Variants in ARHGEF18 observed in about 807,000 individuals in gnomAD.
ARHGEF18 encodes the protein rho guanine nucleotide exchange factor 18.
ARHGEF18 carries 93 observed loss-of-function variants against 155.7 expected under a neutral mutation model. That is an observed-to-expected ratio of 0.60 (90% CI 0.50 to 0.71). ARHGEF18 has a LOEUF of 0.71. Ranked by LOEUF, ARHGEF18 falls within the 30% of genes least tolerant of loss-of-function variation. The pLI is 0.00. For synonymous variants in ARHGEF18, 742 were observed against 753.1 expected, an observed-to-expected ratio of 0.99 and a Z score of 0.24; for missense variants, 1,593 against 1,816.1, an observed-to-expected ratio of 0.88 and a Z score of 2.23.
At chr19:7,391,862 G>GA (rs1971420389) in intron 10 of ARHGEF18, among the ~76,000 whole-genome samples, 1 of 151,384 alleles carries the variant, frequency 6.6e-6, no homozygotes, top group Admixed American at 6.6e-5. Context: ...CCTAATTGTC[G>GA]AAAGTGCCAA....
At chr19:7,469,252 G>C (rs1214218703) in intron 27 of ARHGEF18, 121 bp downstream of exon 27, 2 of 1,247,578 alleles carry the variant, frequency 1.6e-6, no homozygotes, top group African/African-American at 1.5e-5. Context: ...AAAACCAGAA[G>C]GCACAGCTGG....
rs374597663 is a variant in ARHGEF18 at position 7,468,981 on chromosome 19, G to A, written c.3637G>A (p.Asp1213Asn). 1.2e-5 allele frequency: 19 copies of A among 1,592,204 alleles called. No homozygotes were observed. The highest frequency in any genetic ancestry group is 2.7e-5 in the African/African-American group (2 of 74,338). ...CACCGAGAACCGGCTGGCCAAGAGC[G>A]ATGTGCCCATCCAGCTGCTCAGCGC... ...APTENRLAKS[D>N]VPIQLLSATN... Residue 1213 changes from aspartate to asparagine, a missense_variant, in exon 27 of 29, where the codon GAT (aspartate) becomes AAT (asparagine). Coordinates refer to ENST00000668164, the MANE Select transcript of ARHGEF18 (RefSeq NM_001367823.1).
Position 7,441,945 on chromosome 19 carries a change from A to G in ARHGEF18, c.1253A>G (p.Glu418Gly). 1 of 1,614,084 alleles carries G rather than the reference A, an allele frequency of 6.2e-7. No individual in the cohort carries two copies. The highest frequency in any genetic ancestry group is 8.5e-7 in the Non-Finnish European group (1 of 1,180,008). ...ACCGCCTCGCTGAGGAGTGAGATTG[A>G]GTCAGACGGCCACGAGTTTGAAGCT... is the stretch of plus-strand genomic sequence containing the variant. Reference protein sequence around the residue: ...PYTASLRSEIESDGHEFEAES... With the variant: ...PYTASLRSEIGSDGHEFEAES... The change falls in exon 13 of 29, where the codon GAG becomes GGG. Residue 418 changes from glutamate (E) to glycine (G), a missense_variant. By Grantham distance (98) the Glu-to-Gly change is moderately conservative. Coordinates refer to ENST00000668164, the MANE Select transcript of ARHGEF18 (RefSeq NM_001367823.1).
chr19:7,379,155 A>G lies in ARHGEF18; in HGVS notation c.633A>G (p.Arg211=). ...LIVQQVLQEL[R]QYHGARQRAC... ...TCCAGCAGGTGCTTCAAGAACTTCGACAGTACCATGGGTAAGTGGGAATCG... is the reference window on the plus strand; with the variant it reads ...TCCAGCAGGTGCTTCAAGAACTTCGGCAGTACCATGGGTAAGTGGGAATCG... The change falls in exon 7 of 29, where the codon CGA becomes CGG. Residue 211 remains arginine, a synonymous_variant. Coordinates refer to ENST00000668164, the MANE Select transcript of ARHGEF18 (RefSeq NM_001367823.1). 3.2e-6 allele frequency: 4 copies of G among 1,232,750 alleles called. No individual in the cohort carries two copies. Among genetic ancestry groups the G allele is most frequent in the Non-Finnish European group, 4.0e-6 (4 of 988,490 alleles). 76.4% of individuals were successfully genotyped at this position (1,232,750 alleles called of 1,614,324 possible). A position where few individuals can be genotyped will look rare whatever the true frequency, so the allele number is the denominator to read the frequency against.
chr19:7,446,009 G>T (rs1974966389), intron 14 of ARHGEF18, among the ~76,000 whole-genome samples: 1 of 152,140 alleles, frequency 6.6e-6, no homozygotes, highest in Non-Finnish European at 1.5e-5. Context: ...ATGCAGCAAA[G>T]CCCCGAAGCA....
chr19:7,433,089 A>C (rs558317991), intron 10 of ARHGEF18, among the ~76,000 whole-genome samples: 26 of 152,036 alleles, frequency 1.7e-4, no homozygotes, highest in African/African-American at 5.8e-4. Context: ...TGAGCCCAGG[A>C]ATTGGAGGCT....
chr19:7,395,918 A>G lies in ARHGEF18; in HGVS notation c.967+12715A>G, dbSNP rs151326348. On this transcript the variant is annotated intron_variant, in intron 10 of 28. Transcript: ENST00000668164. This position sits in a 1 kb window ranked among gnomAD's most constrained non-coding sequence, Gnocchi z 5.0. ...TACCTGGATATATTGCGTGATGCTG[A>G]GGTTTGGGGTGTGACTGATCTCGTC... Among the ~76,000 whole-genome samples the G allele has an allele frequency of 6.6e-6, 1 of 152,020 alleles. No homozygotes were observed. Among genetic ancestry groups the G allele is most frequent in the East Asian group, 1.9e-4 (1 of 5,134 alleles).
chr19:7,362,215 A>C (rs1239596368), intron 1 of ARHGEF18, among the ~76,000 whole-genome samples: 1 of 144,440 alleles, frequency 6.9e-6, no homozygotes, highest in Non-Finnish European at 1.5e-5. Flanking sequence ...GGAGAAAAGA[A>C]GAGGAAGAAG....
intron 15 of ARHGEF18, among the ~76,000 whole-genome samples, chr19:7,450,904 T>TGC (rs1975388565): frequency 6.6e-6 from 1 of 151,854 alleles, no homozygotes; most frequent in African/African-American, 2.4e-5. Context: ...TGCTGTACCT[T>TGC]TCTGAGATGT....
At chr19:7,415,627 G>T (rs936415728) in intron 10 of ARHGEF18, among the ~76,000 whole-genome samples, 1 of 151,750 alleles carries the variant, frequency 6.6e-6, no homozygotes, top group South Asian at 2.1e-4. Flanking sequence ...TTCTCTGACC[G>T]GTCCAGACCA....
At chr19:7,448,615 C>G (rs994221459) in intron 15 of ARHGEF18, among the ~76,000 whole-genome samples, 2 of 151,440 alleles carry the variant, frequency 1.3e-5, no homozygotes, top group Non-Finnish European at 2.9e-5. Flanking sequence ...GAGCTGAGAT[C>G]GCACCACTGC....
chr19:7,456,729 A>G (rs750175622), intron 18 of ARHGEF18, among the ~76,000 whole-genome samples: 2 of 152,144 alleles, frequency 1.3e-5, no homozygotes, highest in Non-Finnish European at 2.9e-5. Context: ...CAACAGAGCG[A>G]GACTCTATCT....
In ARHGEF18 at chr19:7,440,057, A is replaced by C; in HGVS notation, c.968-287A>C. 6.4e-7 allele frequency: 1 copy of C among 1,550,550 alleles called. No individual in the cohort carries two copies. Among genetic ancestry groups the C allele is most frequent in the South Asian group, 1.2e-5 (1 of 84,008 alleles). ...TCCCACCGAGGCATAAAAACGGCGC[A>C]GCCCAGCCTGGCGCCGCGCCGGGTC... On this transcript the variant is annotated intron_variant, in intron 10 of 28. Coordinates refer to ENST00000668164, the MANE Select transcript of ARHGEF18 (RefSeq NM_001367823.1). This position sits in a 1 kb window ranked among gnomAD's most constrained non-coding sequence, Gnocchi z 5.4.
At position 7,431,737 on chromosome 19, in the gene ARHGEF18, C is replaced by T. The variant is rs557826307; in HGVS notation, c.968-8607C>T. Among the ~76,000 whole-genome samples, 22 of 152,138 alleles carry T rather than the reference C, an allele frequency of 1.4e-4. No homozygotes were observed. The East Asian group carries it at 4.1e-3, about 28-fold the overall frequency. ...GCTGAGGCAGAAGAATCGCTTGAACCCAGGAGGCGGAGGTTGCGGTGAGCC... is the reference window on the plus strand; with the variant it reads ...GCTGAGGCAGAAGAATCGCTTGAACTCAGGAGGCGGAGGTTGCGGTGAGCC... On this transcript the variant is annotated intron_variant, in intron 10 of 28. Coordinates refer to ENST00000668164, the MANE Select transcript of ARHGEF18 (RefSeq NM_001367823.1).
In ARHGEF18 at chr19:7,419,060, A is replaced by ACACTCGGCCTCTGTACCCC. The variant is rs1973178189; in HGVS notation, c.968-21284_968-21283insCACTCGGCCTCTGTACCCC. ...TACCCACACTCGGCCTCTGTACCCCAGATGTACCCACACTCGGCCTCTGTA... is the reference window on the plus strand; with the variant it reads ...TACCCACACTCGGCCTCTGTACCCCACACTCGGCCTCTGTACCCCGATGTACCCACACTCGGCCTCTGTA... On this transcript the variant is annotated intron_variant, in intron 10 of 28. Coordinates refer to ENST00000668164, the MANE Select transcript of ARHGEF18 (RefSeq NM_001367823.1). Among the ~76,000 whole-genome samples, 2 of 122,448 alleles carry ACACTCGGCCTCTGTACCCC rather than the reference A, an allele frequency of 1.6e-5. 1 individual carries two copies. The highest frequency in any genetic ancestry group is 7.7e-5 in the African/African-American group (2 of 25,956). The allele number at this position is 122,448 out of a possible 152,430, so 80.3% of individuals were successfully genotyped here.
At chr19:7,466,574 G>C (rs1044497043) in intron 23 of ARHGEF18, among the ~76,000 whole-genome samples, 25 of 148,738 alleles carry the variant, frequency 1.7e-4, no homozygotes, top group African/African-American at 6.2e-4. Flanking sequence ...AGGCCGAGGC[G>C]GGCGGATCAC....
chr19:7,441,111 A>G (rs17159572), intron 11 of ARHGEF18, among the ~76,000 whole-genome samples: 13,559 of 150,662 alleles, frequency 0.09, 1,585 homozygotes, highest in African/African-American at 0.26. Flanking sequence ...ACTAAACATT[A>G]AAGGAAGTTA....
chr19:7,375,861 C>T lies in ARHGEF18; in HGVS notation c.417C>T (p.Ser139=). ...CTGGGGGCGGGACCCCCGCAGAGAG[C>T]CCAGGCAAGGTGGGTATAACCTGCA... is the stretch of plus-strand genomic sequence containing the variant. The part of the protein sequence containing the change: ...CLSGGGTPAE[S]PGKECDSPKK... Residue 139 remains serine, a synonymous_variant, in exon 4 of 29, where the codon AGC becomes AGT. Transcript: ENST00000668164. The T allele has an allele frequency of 8.1e-7, 1 of 1,234,442 alleles. No individual in the cohort carries two copies. Among genetic ancestry groups the T allele is most frequent in the Non-Finnish European group, 1.0e-6 (1 of 988,248 alleles). 76.5% of individuals were successfully genotyped at this position (1,234,442 alleles called of 1,614,324 possible).
chr19:7,431,538 G>A (rs564137523), intron 10 of ARHGEF18, among the ~76,000 whole-genome samples: 2 of 135,558 alleles, frequency 1.5e-5, no homozygotes, highest in Non-Finnish European at 3.1e-5. Flanking sequence ...AAAAAAGGCC[G>A]GGCTCAGTGG....
Sources: allele counts gnomAD v4.1 joint callset (sites outside exome capture counted in the v4.1 genomes callset), GRCh38; gene constraint gnomAD v4.1.1; non-coding constraint Gnocchi (gnomAD v3.1); transcripts MANE v1.5; gene names NCBI Gene and HGNC (gene_info 2026-07-23, HGNC 2026-07-21).